The following DQX1 variants were observed in gnomAD, a reference collection of about 807,000 sequenced individuals.
DQX1 encodes the protein ATP-dependent RNA helicase homolog DQX1.
A neutral mutation model predicts 81.3 loss-of-function variants in DQX1; 66 were observed. The ratio of observed to expected loss-of-function variants is 0.81; its 90% CI spans 0.67 to 1.00. DQX1 has a LOEUF of 1.00. Ranked by LOEUF, DQX1 falls within the 50% of genes least tolerant of loss-of-function variation. The probability of loss-of-function intolerance (pLI) is 0.00; values close to 1 mark genes in which losing one functional copy is unlikely to be tolerated. For missense variants in DQX1, 798 were observed against 867.9 expected, an observed-to-expected ratio of 0.92 and a Z score of 1.01; for synonymous variants, 290 against 350.0, an observed-to-expected ratio of 0.83 and a Z score of 1.91.
At chr2:74,519,513 T>C in intron 10 of DQX1, 43 bp downstream of exon 10, 2 of 1,595,570 alleles carry the variant, frequency 1.3e-6, no homozygotes, top group Non-Finnish European at 1.7e-6. Context: ...TCTCTTTGCC[T>C]TTTGCTCCTT....
In DQX1 at chr2:74,525,825, C is replaced by G. The variant is rs1675165876; in HGVS notation, c.-19-77G>C. The stretch of plus-strand genomic sequence containing the variant: ...TTCCCACCTCAGCCCTGATCCTTAA[C>G]CTCTACCTTCAGTTGATCATGCTCT... On this transcript the variant is annotated intron_variant, in intron 1 of 11. Coordinates refer to ENST00000404568, the MANE Select transcript of DQX1 (RefSeq NM_133637.3). This position sits in a 1 kb window ranked among gnomAD's most constrained non-coding sequence, Gnocchi z 4.1. 1 of 1,014,938 alleles carries G rather than the reference C, an allele frequency of 9.9e-7. No individual in the cohort carries two copies. Among genetic ancestry groups the G allele is most frequent in the African/African-American group, 1.6e-5 (1 of 61,934 alleles). 62.9% of individuals were successfully genotyped at this position (1,014,938 alleles called of 1,614,324 possible). A position where few individuals can be genotyped will look rare whatever the true frequency, so the allele number is the denominator to read the frequency against.
intron 5 of DQX1, 23 bp downstream of exon 5, chr2:74,523,287 C>T (rs1287804106): frequency 1.5e-5 from 24 of 1,613,994 alleles, no homozygotes; most frequent in Non-Finnish European, 1.4e-5. Flanking sequence ...ACTACCCCAC[C>T]GCTATCTCTC....
Position 74,522,733 on chromosome 2 carries a change from A to G in DQX1, c.1342T>C (p.Tyr448His). The G allele has an allele frequency of 6.2e-7, 1 of 1,614,190 alleles. No individual in the cohort carries two copies. Among genetic ancestry groups the G allele is most frequent in the South Asian group, 1.1e-5 (1 of 91,076 alleles). ...CCATCATCATCCAGGGCTGCCAGAT[A>G]GTCTAAATCTTCCAGGGCTTGCATC... Reference protein sequence around the residue: ...ALMQALEDLDYLAALDDDGDL... With the variant: ...ALMQALEDLDHLAALDDDGDL... The change falls in exon 8 of 12, where the codon TAT becomes CAT. Residue 448 changes from tyrosine (Y) to histidine (H), a missense_variant. Transcript: ENST00000404568.
At chr2:74,524,422 T>C (rs1282220509) in intron 3 of DQX1, 115 bp from the exon 4 acceptor site, 2 of 1,402,150 alleles carry the variant, frequency 1.4e-6, no homozygotes, top group South Asian at 1.4e-5. Context: ...CAGAAAAATA[T>C]GCTGTGACTT....
Position 74,525,020 on chromosome 2 carries a change from G to T in DQX1, c.420C>A (p.Asn140Lys), listed in dbSNP as rs1336550373. ...GCAGAGGCCCCCACCTGAGCAGGGT[G>T]TTGGGCCCCGTGCAGTCCTCCTGGG... ...SIPQEDCTGPNTLLRFCWDRL... is the reference protein window; with the variant it reads ...SIPQEDCTGPKTLLRFCWDRL... Residue 140 changes from asparagine (N) to lysine (K), a missense_variant, in exon 3 of 12, where the codon AAC becomes AAA. Asn to Lys is a moderately conservative substitution (Grantham distance 94). Coordinates refer to ENST00000404568, the MANE Select transcript of DQX1 (RefSeq NM_133637.3). This position sits in a 1 kb window ranked among gnomAD's most constrained non-coding sequence, Gnocchi z 4.1. 1 of 1,613,980 alleles carries T rather than the reference G, an allele frequency of 6.2e-7. No individual in the cohort carries two copies.
chr2:74,523,410 A>AT lies in DQX1; in HGVS notation c.943dup (p.Met315AsnfsTer14), dbSNP rs1675089765. ...AGTGACCACAACCTTTCGGGCATCC[A>AT]TGTCCTCATACACAGCCTGAACGGC... is the stretch of plus-strand genomic sequence containing the variant. On this transcript the variant is annotated frameshift_variant, in exon 5 of 12. Transcript: ENST00000404568. LOFTEE classifies it high-confidence loss of function. The AT allele has an allele frequency of 6.2e-7, 1 of 1,614,186 alleles. No homozygotes were observed. The highest frequency in any genetic ancestry group is 1.3e-5 in the African/African-American group (1 of 75,042).
chr2:74,524,117 G>C lies in DQX1; in HGVS notation c.622C>G (p.Leu208Val), dbSNP rs569251012. 1 of 1,614,182 alleles carries C rather than the reference G, an allele frequency of 6.2e-7. No individual in the cohort carries two copies. The highest frequency in any genetic ancestry group is 1.1e-5 in the South Asian group (1 of 91,086). Residue 208 changes from leucine (L) to valine (V), a missense_variant, in exon 4 of 12, where the codon CTT becomes GTT. Leu to Val is a conservative substitution (Grantham distance 32, BLOSUM62 1). Transcript: ENST00000404568. ...CAGAAAGCTCGGAGCTTAGGTTCAA[G>C]GGCTGGGTCAGTAACCACAACCACT... Reference protein sequence around the residue: ...LRVVVVTDPALEPKLRAFWGN... With the variant: ...LRVVVVTDPAVEPKLRAFWGN...
At chr2:74,523,258 G>T in intron 5 of DQX1, 40 bp from the exon 6 acceptor site, 2 of 1,614,010 alleles carry the variant, frequency 1.2e-6, no homozygotes, top group Non-Finnish European at 1.7e-6. Flanking sequence ...ACAGATCAGA[G>T]TGGGCCATTT....
chr2:74,520,671 G>T (rs377445925), intron 8 of DQX1, among the ~76,000 whole-genome samples: 481 of 151,988 alleles, frequency 3.2e-3, no homozygotes, highest in East Asian at 7.7e-3. Context: ...GGTTTTTTTT[G>T]TTGTTGTTGT....
At position 74,522,429 on chromosome 2, in the gene DQX1, A is replaced by G. The variant is rs918652068; in HGVS notation, c.1495+151T>C. The stretch of plus-strand genomic sequence containing the variant: ...AGAGAAAAAAGGCTAAAGAGACAAG[A>G]GGGAGATGGGTGACTAAGCCTGGTT... On this transcript the variant is annotated intron_variant, in intron 8 of 11. Coordinates refer to ENST00000404568, the MANE Select transcript of DQX1 (RefSeq NM_133637.3). 21 of 878,004 alleles carry G rather than the reference A, an allele frequency of 2.4e-5. No homozygotes were observed. In the South Asian group the frequency reaches 3.8e-4, roughly 16 times the overall value. The allele number at this position is 878,004 out of a possible 1,614,324, so 54.4% of individuals were successfully genotyped here. A position where few individuals can be genotyped will look rare whatever the true frequency, so the allele number is the denominator to read the frequency against.
At chr2:74,518,670 AG>A (rs1674950186) in intron 11 of DQX1, 68 bp from the exon 12 acceptor site, 5 of 1,512,434 alleles carry the variant, frequency 3.3e-6, no homozygotes, top group Non-Finnish European at 4.5e-6. Context: ...TTTTAGAGAC[AG>A]GGTCTCGCTC....
Position 74,523,972 on chromosome 2 carries a change from C to A in DQX1, c.767G>T (p.Cys256Phe), listed in dbSNP as rs1201985243. ...EAACQAVLEL[C>F]RKELPGDVLV... ...CACATCTCCTGGAAGCTCCTTCCGACACAATTCAAGCACTGCTTGGCAGGC... is the reference window on the plus strand; with the variant it reads ...CACATCTCCTGGAAGCTCCTTCCGAAACAATTCAAGCACTGCTTGGCAGGC... Residue 256 changes from cysteine (C) to phenylalanine (F), a missense_variant, in exon 4 of 12, where the codon TGT (cysteine) becomes TTT (phenylalanine). Coordinates refer to ENST00000404568, the MANE Select transcript of DQX1 (RefSeq NM_133637.3). 6.2e-7 allele frequency: 1 copy of A among 1,609,252 alleles called. No homozygotes were observed. The highest frequency in any genetic ancestry group is 8.5e-7 in the Non-Finnish European group (1 of 1,175,942).
chr2:74,525,516 G>T lies in DQX1; in HGVS notation c.214C>A (p.Pro72Thr). The change falls in exon 2 of 12, where the codon CCT (proline) becomes ACT (threonine). Residue 72 changes from proline (P) to threonine (T), a missense_variant. Pro to Thr is a conservative substitution (Grantham distance 38). Coordinates refer to ENST00000404568, the MANE Select transcript of DQX1 (RefSeq NM_133637.3). The surrounding 1 kb of genome is among the most constrained non-coding windows in gnomAD (Gnocchi z 4.1). ...PTGVVLVSGE[P>T]GSGKSTQIPQ... Reference sequence around the variant, plus strand: ...ACCTGGGTGCTCTTGCCAGAACCAGGCTCCCCAGACACCAGCACCACTCCA... The same window carrying T: ...ACCTGGGTGCTCTTGCCAGAACCAGTCTCCCCAGACACCAGCACCACTCCA... 2 of 1,552,226 alleles carry T rather than the reference G, an allele frequency of 1.3e-6. No individual in the cohort carries two copies. The highest frequency in any genetic ancestry group is 1.7e-6 in the Non-Finnish European group (2 of 1,147,158).
At position 74,525,796 on chromosome 2, in the gene DQX1, C is replaced by A; in HGVS notation, c.-19-48G>T. ...TAAGGTCATATTTGGTGACCGACAC[C>A]ATCTTCCCACCTCAGCCCTGATCCT... On this transcript the variant is annotated intron_variant, in intron 1 of 11. Transcript: ENST00000404568. The surrounding 1 kb of genome is among the most constrained non-coding windows in gnomAD (Gnocchi z 4.1). 7.5e-7 allele frequency: 1 copy of A among 1,326,508 alleles called. No individual in the cohort carries two copies. Among genetic ancestry groups the A allele is most frequent in the Non-Finnish European group, 1.0e-6 (1 of 958,566 alleles). The allele number at this position is 1,326,508 out of a possible 1,614,324, so 82.2% of individuals were successfully genotyped here. A position where few individuals can be genotyped will look rare whatever the true frequency, so the allele number is the denominator to read the frequency against.
At chr2:74,521,379 G>C (rs1675018564) in intron 8 of DQX1, among the ~76,000 whole-genome samples, 1 of 152,156 alleles carries the variant, frequency 6.6e-6, no homozygotes, top group South Asian at 2.1e-4. Flanking sequence ...GCTGGGTGCC[G>C]AGGCTCAGGC....
intron 8 of DQX1, among the ~76,000 whole-genome samples, chr2:74,521,792 TCTCTCCCC>T (rs1189573629): frequency 7.5e-6 from 1 of 133,240 alleles, no homozygotes; most frequent in African/African-American, 2.9e-5. Flanking sequence ...TCCCTCTCCC[TCTCTCCCC>T]CTCTCCCCAT....
intron 8 of DQX1, among the ~76,000 whole-genome samples, chr2:74,521,744 C>T (rs1264405061): frequency 6.9e-6 from 1 of 144,366 alleles, no homozygotes; most frequent in Non-Finnish European, 1.5e-5. Context: ...CCTCTCTCCC[C>T]CTCTCCCCCT....
chr2:74,524,983 C>A, intron 3 of DQX1, 26 bp downstream of exon 3: 1 of 1,592,170 alleles, frequency 6.3e-7, no homozygotes, highest in South Asian at 1.1e-5. Flanking sequence ...GAATTATATT[C>A]GGGTAAGGCC....
Position 74,525,718 on chromosome 2 carries a change from C to T in DQX1, c.12G>A (p.Gln4=), listed in dbSNP as rs974677135. 1.4e-5 allele frequency: 21 copies of T among 1,551,408 alleles called. No homozygotes were observed. In the Admixed American group the frequency reaches 2.4e-4, roughly 17 times the overall value. The change falls in exon 2 of 12, where the codon CAG becomes CAA. Residue 4 remains glutamine, a synonymous_variant. Coordinates refer to ENST00000404568, the MANE Select transcript of DQX1 (RefSeq NM_133637.3). This position sits in a 1 kb window ranked among gnomAD's most constrained non-coding sequence, Gnocchi z 4.1. Reference sequence around the variant, plus strand: ...CATACTCTTCTGCTAGCCTGAGAGGCTGAGAGGTCATGGTGGCTCTCTGGC... The same window carrying T: ...CATACTCTTCTGCTAGCCTGAGAGGTTGAGAGGTCATGGTGGCTCTCTGGC... MTS[Q]PLRLAEEYGP...
Sources: gnomAD v4.1 joint callset for allele counts (sites outside exome capture counted in the v4.1 genomes callset) on GRCh38, gnomAD v4.1.1 for gene constraint, Gnocchi (gnomAD v3.1) non-coding constraint, MANE v1.5 for transcripts, NCBI Gene and HGNC (gene_info 2026-07-23, HGNC 2026-07-21) for gene names.